The following FSD2 variants were observed in gnomAD, a reference collection of about 807,000 sequenced individuals.
FSD2 encodes fibronectin type III and SPRY domain containing 2.
FSD2 carries 71 observed loss-of-function variants against 80.4 expected under a neutral mutation model. The observed-to-expected ratio is 0.88, with a 90% CI of 0.73 to 1.08. The LOEUF is 1.08. FSD2 is among the 50% of genes least tolerant of loss of function. FSD2 has a pLI of 0.00. For missense variants in FSD2, 923 were observed against 913.8 expected (o/e 1.01, Z -0.13); for synonymous variants, 361 against 329.5 (o/e 1.10, Z -1.03).
At chr15:82,793,028 C>T (rs751104642) in intron 1 of FSD2, among the ~76,000 whole-genome samples, 1 of 152,134 alleles carries the variant, frequency 6.6e-6, no homozygotes, top group Non-Finnish European at 1.5e-5. Context: ...CTTGTTTCAA[C>T]GTTTGGTAGA....
At chr15:82,783,778 A>C (rs192891536) in intron 3 of FSD2, among the ~76,000 whole-genome samples, 2 of 152,238 alleles carry the variant, frequency 1.3e-5, no homozygotes, top group African/African-American at 2.4e-5. Context: ...GGATCATACA[A>C]ATATCAAGAT....
intron 1 of FSD2, among the ~76,000 whole-genome samples, chr15:82,789,709 C>T (rs1390943448): frequency 6.6e-6 from 1 of 152,154 alleles, no homozygotes; most frequent in Non-Finnish European, 1.5e-5. Flanking sequence ...GCATGCTTGC[C>T]ACAAACATCT....
intron 6 of FSD2, among the ~76,000 whole-genome samples, chr15:82,775,482 T>A (rs372437179): frequency 1.4e-4 from 22 of 152,204 alleles, no homozygotes; most frequent in African/African-American, 5.3e-4. Context: ...TATCTTTCTC[T>A]TGCCTAATTG....
intron 6 of FSD2, among the ~76,000 whole-genome samples, chr15:82,777,802 G>A (rs113573698): frequency 5.2e-4 from 79 of 150,506 alleles, no homozygotes; most frequent in African/African-American, 1.8e-3. Flanking sequence ...AGCCAAGATC[G>A]TGCCACTGTA....
At chr15:82,802,161 G>T (rs1039296501) in intron 1 of FSD2, among the ~76,000 whole-genome samples, 1 of 152,150 alleles carries the variant, frequency 6.6e-6, no homozygotes, top group Non-Finnish European at 1.5e-5. Context: ...GAGAAGTGTG[G>T]CTTCAAGTGA....
chr15:82,787,615 T>A (rs914490750), intron 1 of FSD2, 147 bp from the exon 2 acceptor site: 13 of 397,776 alleles, frequency 3.3e-5, no homozygotes, highest in Admixed American at 1.7e-4. Flanking sequence ...CTTTAAAAAA[T>A]TTGTTTTCTA....
At chr15:82,767,666 A>T (rs571081801) in intron 9 of FSD2, among the ~76,000 whole-genome samples, 1 of 152,138 alleles carries the variant, frequency 6.6e-6, no homozygotes, top group African/African-American at 2.4e-5. Flanking sequence ...TGCAAAGGAA[A>T]CCTGAACCAT....
intron 1 of FSD2, among the ~76,000 whole-genome samples, chr15:82,800,153 A>T (rs549167451): frequency 1.4e-4 from 21 of 152,220 alleles, no homozygotes; most frequent in Non-Finnish European, 2.9e-4. Flanking sequence ...CTGGTCAGAG[A>T]TGACACCTTG....
intron 11 of FSD2, 106 bp from the exon 12 acceptor site, chr15:82,762,384 G>A (rs1408808219): frequency 1.7e-5 from 17 of 989,592 alleles, no homozygotes; most frequent in South Asian, 3.4e-5. Flanking sequence ...GTCTACGAAC[G>A]TGGTGGTAGG....
chr15:82,782,747 C>T, intron 4 of FSD2, 48 bp downstream of exon 4: 1 of 1,438,952 alleles, frequency 6.9e-7, no homozygotes, highest in Non-Finnish European at 9.6e-7. Flanking sequence ...GTTTATAATT[C>T]CATCTCTTTC....
At chr15:82,781,151 G>T (rs2049847156) in intron 4 of FSD2, among the ~76,000 whole-genome samples, 1 of 152,222 alleles carries the variant, frequency 6.6e-6, no homozygotes, top group Non-Finnish European at 1.5e-5. Context: ...AACAGTTAAT[G>T]AATGGAAACG....
chr15:82,765,339 C>T, intron 10 of FSD2, 41 bp from the exon 11 acceptor site: 1 of 1,611,822 alleles, frequency 6.2e-7, no homozygotes, highest in Non-Finnish European at 8.5e-7. Context: ...CAGCCAATCA[C>T]TTGCTTTCTC....
chr15:82,789,620 T>C (rs1271975195), intron 1 of FSD2, among the ~76,000 whole-genome samples: 2 of 152,194 alleles, frequency 1.3e-5, no homozygotes, highest in Non-Finnish European at 2.9e-5. Context: ...GCTATAAGAC[T>C]GTGCTTCACA....
intron 1 of FSD2, among the ~76,000 whole-genome samples, chr15:82,801,485 C>CTA (rs2050411750): frequency 6.6e-6 from 1 of 152,138 alleles, no homozygotes; most frequent in South Asian, 2.1e-4. Context: ...CTGGACTCAG[C>CTA]CCTGGTGAGC....
At chr15:82,795,165 T>G (rs1044985022) in intron 1 of FSD2, among the ~76,000 whole-genome samples, 8 of 152,220 alleles carry the variant, frequency 5.3e-5, no homozygotes, top group African/African-American at 1.7e-4. Context: ...TTTTCTATCC[T>G]TTTAGTTTCA....
intron 4 of FSD2, among the ~76,000 whole-genome samples, chr15:82,781,498 A>T (rs1337896942): frequency 1.3e-5 from 2 of 152,078 alleles, no homozygotes; most frequent in Non-Finnish European, 2.9e-5. Context: ...CACGCCCTGG[A>T]CACCACATCT....
chr15:82,801,657 C>T (rs571867230), intron 1 of FSD2, among the ~76,000 whole-genome samples: 2 of 152,278 alleles, frequency 1.3e-5, no homozygotes, highest in African/African-American at 4.8e-5. Context: ...TTATTGGTTT[C>T]AGAGATCTGG....
rs557785874 is a variant in FSD2, at chr15:82,786,505, T to C, written c.735+6A>G. 54 of 1,607,298 alleles carry C rather than the reference T, an allele frequency of 3.4e-5. No homozygotes were observed. The African/African-American group carries it at 6.8e-4, about 20-fold the overall frequency. On this transcript the variant is annotated splice_donor_region_variant and intron_variant, in intron 3 of 12. Coordinates refer to ENST00000334574, the MANE Select transcript of FSD2 (RefSeq NM_001007122.4). ...AGTCTGATGAGGTCTTCAAGTGTGC[T>C]CTTACCTCCACAGTGATGAAAACCT... is the stretch of plus-strand genomic sequence containing the variant.
At chr15:82,765,069 C>G in intron 11 of FSD2, 97 bp downstream of exon 11, 1 of 1,382,984 alleles carries the variant, frequency 7.2e-7, no homozygotes, top group Non-Finnish European at 9.6e-7. Context: ...TTCCTTTTCC[C>G]TCGAGGCTGC....
Sources: gnomAD v4.1 joint callset for allele counts (sites outside exome capture counted in the v4.1 genomes callset) on GRCh38, gnomAD v4.1.1 for gene constraint, MANE v1.5 for transcripts, NCBI Gene and HGNC (gene_info 2026-07-23, HGNC 2026-07-21) for gene names.